Variants in TTC7A observed in about 807,000 individuals in gnomAD.
The protein encoded by TTC7A is tetratricopeptide repeat domain 7A, also known as tetratricopeptide repeat protein 7A.
Under a neutral mutation model 103.7 loss-of-function variants are expected in TTC7A, and 110 were observed. The ratio of observed to expected loss-of-function variants is 1.06; its 90% CI spans 0.91 to 1.24. The LOEUF (loss-of-function observed/expected upper bound fraction) is 1.24. TTC7A is among the 50% of genes most tolerant of loss of function. The pLI, the probability that TTC7A is intolerant of heterozygous loss-of-function variation, is 0.00. For missense variants in TTC7A, 1,340 were observed against 1,116.3 expected, an observed-to-expected ratio of 1.20 and a Z score of -2.86; for synonymous variants, 521 against 467.9, an observed-to-expected ratio of 1.11 and a Z score of -1.47.
At chr2:47,073,089 C>T (rs1222037254) in intron 19 of TTC7A, among the ~76,000 whole-genome samples, 4 of 152,162 alleles carry the variant, frequency 2.6e-5, no homozygotes, top group Non-Finnish European at 5.9e-5. Context: ...GACTCTCCTC[C>T]CATGACCCTC....
intron 18 of TTC7A, among the ~76,000 whole-genome samples, chr2:47,060,171 A>G (rs1683646714): frequency 6.6e-6 from 1 of 151,998 alleles, no homozygotes; most frequent in African/African-American, 2.4e-5. Context: ...AGATCACTTG[A>G]GGCCAGGAGT....
At chr2:46,944,459 A>G (rs1252223395) in intron 1 of TTC7A, among the ~76,000 whole-genome samples, 4 of 143,714 alleles carry the variant, frequency 2.8e-5, no homozygotes, top group African/African-American at 1.1e-4. Flanking sequence ...AGCTTACTAC[A>G]CACTCAAACT....
chr2:46,966,405 T>G (rs1176561200), intron 3 of TTC7A, among the ~76,000 whole-genome samples: 1 of 152,240 alleles, frequency 6.6e-6, no homozygotes, highest in East Asian at 1.9e-4. Flanking sequence ...TTTTTCCCTA[T>G]AGGATTATAT....
chr2:46,941,017 TA>T (rs1232020868), upstream of TTC7A, among the ~76,000 whole-genome samples: 1 of 150,628 alleles, frequency 6.6e-6, no homozygotes, highest in Non-Finnish European at 1.5e-5. This position sits in a 1 kb window ranked among gnomAD's most constrained non-coding sequence, Gnocchi z 4.2. Context: ...CGCGCGGGAT[TA>T]AAGTGAGCTC....
At chr2:46,988,888 A>G (rs1439186106) in intron 5 of TTC7A, among the ~76,000 whole-genome samples, 1 of 152,208 alleles carries the variant, frequency 6.6e-6, no homozygotes, top group Non-Finnish European at 1.5e-5. Flanking sequence ...ACAGCCTGGA[A>G]AGGCAGGCAT....
intron 15 of TTC7A, among the ~76,000 whole-genome samples, chr2:47,038,657 C>G (rs1460788397): frequency 6.3e-4 from 50 of 79,832 alleles, no homozygotes; most frequent in Middle Eastern, 0.011. Flanking sequence ...CACCCACCCC[C>G]CCGACACACA....
At position 47,028,222 on chromosome 2, in the gene TTC7A, G is replaced by T. The variant is rs961561192; in HGVS notation, c.1642-1002G>T. Among the ~76,000 whole-genome samples, 3 of 152,200 alleles carry T rather than the reference G, an allele frequency of 2.0e-5. No individual in the cohort carries two copies. The South Asian group carries it at 6.2e-4, about 31-fold the overall frequency. ...ATGGGCAGAGACCCATCCTGGCAAG[G>T]TGGCAGGCAGCCAAGCAAGTGTGTG... is the stretch of plus-strand genomic sequence containing the variant. On this transcript the variant is annotated intron_variant, in intron 14 of 19. Coordinates refer to ENST00000319190, the MANE Select transcript of TTC7A (RefSeq NM_020458.4).
chr2:47,039,491 C>G (rs980374360), intron 15 of TTC7A, among the ~76,000 whole-genome samples: 33 of 152,304 alleles, frequency 2.2e-4, no homozygotes, highest in African/African-American at 7.9e-4. Flanking sequence ...ACCTCTGACC[C>G]CAGGACTGTG....
chr2:47,009,886 GTT>G (rs34401578), intron 10 of TTC7A, among the ~76,000 whole-genome samples: 42,477 of 92,534 alleles, frequency 0.46, 9,402 homozygotes, highest in East Asian at 0.71. Context: ...GTGTGTGTGT[GTT>G]TTTTTTTTTT....
chr2:46,973,731 C>A (rs1030167238), intron 3 of TTC7A, among the ~76,000 whole-genome samples: 1 of 152,144 alleles, frequency 6.6e-6, no homozygotes, highest in Non-Finnish European at 1.5e-5. Context: ...GTGCCAGTAG[C>A]GGCCAAGTCT....
rs1675945639 is a variant in TTC7A at position 46,994,404 on chromosome 2, G to A, written c.891G>A (p.Glu297=). Reference sequence around the variant, plus strand: ...GGGTCCTGCTGCACTCCCTGAGTGAGGAGTGCTACTGGAGCCCCCTGTCCC... The same window carrying A: ...GGGTCCTGCTGCACTCCCTGAGTGAAGAGTGCTACTGGAGCCCCCTGTCCC... The part of the protein sequence containing the change: ...LAGVLLHSLS[E]ECYWSPLSHP... Residue 297 remains glutamate, a synonymous_variant, in exon 7 of 20, where the codon GAG becomes GAA. Transcript: ENST00000319190. 3 of 1,614,050 alleles carry A rather than the reference G, an allele frequency of 1.9e-6. No homozygotes were observed. Among genetic ancestry groups the A allele is most frequent in the Middle Eastern group, 1.7e-4 (1 of 6,058 alleles).
In TTC7A at chr2:46,950,588, C is replaced by G; in HGVS notation, c.348+62C>G. ...CTCGTCTGTCTTGCCTCGCATCTGTCCAGTCCTCCCTGAGTCATTTGGTCA... is the reference window on the plus strand; with the variant it reads ...CTCGTCTGTCTTGCCTCGCATCTGTGCAGTCCTCCCTGAGTCATTTGGTCA... On this transcript the variant is annotated intron_variant, in intron 2 of 19. Coordinates refer to ENST00000319190, the MANE Select transcript of TTC7A (RefSeq NM_020458.4). The G allele has an allele frequency of 2.6e-6, 4 of 1,553,638 alleles. No individual in the cohort carries two copies. In the South Asian group the frequency reaches 4.6e-5, roughly 18 times the overall value.
Position 46,941,380 on chromosome 2 carries a change from T to TGCTGCC in TTC7A, c.-161_-156dup, listed in dbSNP as rs1670353431. On this transcript the variant is annotated 5_prime_UTR_variant, in exon 1 of 20. Coordinates refer to ENST00000319190, the MANE Select transcript of TTC7A (RefSeq NM_020458.4). The surrounding 1 kb of genome is among the most constrained non-coding windows in gnomAD (Gnocchi z 4.2). ...GAGCTGCTGGTGCTGCTGCTGCTGC[T>TGCTGCC]GCTGCCCACCCTCCGCCGCCCGGGC... 2.1e-6 allele frequency: 1 copy of TGCTGCC among 486,206 alleles called. No individual in the cohort carries two copies. The highest frequency in any genetic ancestry group is 9.1e-5 in the South Asian group (1 of 10,974). 30.1% of individuals were successfully genotyped at this position (486,206 alleles called of 1,614,324 possible).
At chr2:46,994,097 A>G in intron 6 of TTC7A, 1 of 464,336 alleles carries the variant, frequency 2.2e-6, no homozygotes, top group Non-Finnish European at 3.8e-6. Context: ...GAGGGAGGAA[A>G]TGCTCCTCTT....
At chr2:46,982,694 G>T (rs1250853826) in intron 5 of TTC7A, among the ~76,000 whole-genome samples, 2 of 152,142 alleles carry the variant, frequency 1.3e-5, no homozygotes, top group African/African-American at 4.8e-5. Context: ...CAGCTGCCTG[G>T]AATTCATGCC....
chr2:47,052,771 A>G (rs541852411), intron 18 of TTC7A, among the ~76,000 whole-genome samples: 2 of 152,002 alleles, frequency 1.3e-5, no homozygotes, highest in Admixed American at 1.3e-4. Flanking sequence ...GGCCAACACA[A>G]CCCCTTGGCC....
intron 3 of TTC7A, among the ~76,000 whole-genome samples, chr2:46,965,806 G>A (rs553921137): frequency 6.6e-6 from 1 of 151,436 alleles, no homozygotes; most frequent in East Asian, 2.0e-4. Flanking sequence ...CAAGTGATCC[G>A]CCTGCCTCAG....
intron 5 of TTC7A, among the ~76,000 whole-genome samples, chr2:46,979,522 A>G (rs1389963229): frequency 1.3e-5 from 2 of 152,178 alleles, no homozygotes; most frequent in Non-Finnish European, 2.9e-5. Flanking sequence ...CCTAAGAACC[A>G]TAGTGCCTGG....
intron 19 of TTC7A, among the ~76,000 whole-genome samples, chr2:47,069,159 C>T (rs997442540): frequency 6.6e-6 from 1 of 152,068 alleles, no homozygotes; most frequent in Non-Finnish European, 1.5e-5. Flanking sequence ...AGACCTAGAA[C>T]CTGATACCAG....
Sources: gnomAD v4.1 joint callset for allele counts (sites outside exome capture counted in the v4.1 genomes callset) on GRCh38, gnomAD v4.1.1 for gene constraint, Gnocchi (gnomAD v3.1) non-coding constraint, MANE v1.5 for transcripts, NCBI Gene and HGNC (gene_info 2026-07-23, HGNC 2026-07-21) for gene names.